The following SYT2 variants were observed in gnomAD, a reference collection of about 807,000 sequenced individuals.
The protein encoded by SYT2 is synaptotagmin 2.
A neutral mutation model predicts 39.9 loss-of-function variants in SYT2; 15 were observed. The observed-to-expected ratio is 0.38, with a 90% CI of 0.25 to 0.58. The LOEUF is 0.58. Ranked by LOEUF, SYT2 falls within the 20% of genes least tolerant of loss-of-function variation. The pLI, the probability that SYT2 is intolerant of heterozygous loss-of-function variation, is 0.70. For synonymous variants in SYT2, 181 were observed against 204.5 expected (o/e 0.89, Z 0.98); for missense variants, 389 against 530.3 (o/e 0.73, Z 2.62).
chr1:202,688,361 T>C (rs1653725676), intron 1 of SYT2, among the ~76,000 whole-genome samples: 1 of 152,228 alleles, frequency 6.6e-6, no homozygotes, highest in South Asian at 2.1e-4. Context: ...CGTTATGCTC[T>C]GTCCTGCCCC....
rs1254165344 is a variant in SYT2 at position 202,671,045 on chromosome 1, GC to G, written c.-18+39212del. Among the ~76,000 whole-genome samples the G allele has an allele frequency of 4.6e-5, 7 of 152,168 alleles. 1 individual carries two copies. In the East Asian group the frequency reaches 1.3e-3, roughly 29 times the overall value. ...AAGAACCAATCCTTTGTGATAAGCA[GC>G]CCGCCACTCCCATCGGCGATCAGCT... On this transcript the variant is annotated intron_variant, in intron 1 of 8. Coordinates refer to ENST00000367268, the MANE Select transcript of SYT2 (RefSeq NM_177402.5).
At chr1:202,615,070 A>G (rs1354552701) in intron 1 of SYT2, among the ~76,000 whole-genome samples, 2 of 152,196 alleles carry the variant, frequency 1.3e-5, no homozygotes, top group Non-Finnish European at 2.9e-5. Flanking sequence ...GAAAACAGCC[A>G]ATAACAAATG....
intron 1 of SYT2, among the ~76,000 whole-genome samples, chr1:202,668,221 C>T (rs781640456): frequency 4.6e-5 from 7 of 152,166 alleles, no homozygotes; most frequent in Non-Finnish European, 7.3e-5. Flanking sequence ...ACACATCTCT[C>T]GTGCGCTCAT....
rs1690072915 is a variant in SYT2 at position 202,590,658 on chromosome 1, G to A, written c.*6099C>T. 1 of 150,310 alleles carries A rather than the reference G, an allele frequency of 6.7e-6. No homozygotes were observed. Among genetic ancestry groups the A allele is most frequent in the Non-Finnish European group, 1.5e-5 (1 of 67,814 alleles). The allele number at this position is 150,310 out of a possible 1,614,324, so 9.3% of individuals were successfully genotyped here. ...TCATTACAAAATAACAATTTGACAAGAGATCAGACAAGAACAAGAGTCCAC... is the reference window on the plus strand; with the variant it reads ...TCATTACAAAATAACAATTTGACAAAAGATCAGACAAGAACAAGAGTCCAC... On this transcript the variant is annotated 3_prime_UTR_variant, in exon 9 of 9. Transcript: ENST00000367268.
rs773123862 is a variant in SYT2, at chr1:202,678,273, C to CAAAAA, written c.-18+31980_-18+31984dup. 7.8e-4 allele frequency among the ~76,000 whole-genome samples: 24 copies of CAAAAA among 30,718 alleles called. 1 individual carries two copies. Among genetic ancestry groups the CAAAAA allele is most frequent in the African/African-American group, 2.5e-3 (20 of 7,978 alleles). 20.2% of individuals were successfully genotyped at this position (30,718 alleles called of 152,430 possible). ...TGAGTGACAGAGCGAGACTCTGTCT[C>CAAAAA]AAAAAAAAAAAAAAAAAAAAAAAAA... On this transcript the variant is annotated intron_variant, in intron 1 of 8. Transcript: ENST00000367268.
intron 1 of SYT2, among the ~76,000 whole-genome samples, chr1:202,637,368 A>G (rs1414395943): frequency 6.6e-6 from 1 of 151,850 alleles, no homozygotes; most frequent in Non-Finnish European, 1.5e-5. Context: ...CCTGAAAACC[A>G]AAACCGAAAA....
intron 3 of SYT2, among the ~76,000 whole-genome samples, chr1:202,603,854 C>G (rs568432062): frequency 6.6e-6 from 1 of 152,296 alleles, no homozygotes; most frequent in South Asian, 2.1e-4. Flanking sequence ...ATATGGATTC[C>G]TTGAGCAAGA....
intron 1 of SYT2, 27 bp from the exon 2 acceptor site, chr1:202,605,816 G>A: frequency 6.3e-7 from 1 of 1,587,466 alleles, no homozygotes; most frequent in Non-Finnish European, 8.6e-7. Context: ...AAGAGGGCAG[G>A]GTGAGCATCC....
rs755228015 is a variant in SYT2 at position 202,594,309 on chromosome 1, T to G, written c.*2448A>C. 2.6e-5 allele frequency: 4 copies of G among 152,216 alleles called. No individual in the cohort carries two copies. The highest frequency in any genetic ancestry group is 5.9e-5 in the Non-Finnish European group (4 of 68,060). 9.4% of individuals were successfully genotyped at this position (152,216 alleles called of 1,614,324 possible). Reference sequence around the variant, plus strand: ...GGTTCCTACCATTGCCTTTCCTCCCTGTCAAGGGAATGCAAATCTTGGGCT... The same window carrying G: ...GGTTCCTACCATTGCCTTTCCTCCCGGTCAAGGGAATGCAAATCTTGGGCT... On this transcript the variant is annotated 3_prime_UTR_variant, in exon 9 of 9. Coordinates refer to ENST00000367268, the MANE Select transcript of SYT2 (RefSeq NM_177402.5).
rs1690235637 is a variant in SYT2, at chr1:202,594,992, G to A, written c.*1765C>T. 6.6e-6 allele frequency: 1 copy of A among 152,300 alleles called. No individual in the cohort carries two copies. Among genetic ancestry groups the A allele is most frequent in the Non-Finnish European group, 1.5e-5 (1 of 68,090 alleles). 9.4% of individuals were successfully genotyped at this position (152,300 alleles called of 1,614,324 possible). Reference sequence around the variant, plus strand: ...TCTTGGGTGTCTACAGGAAGCTGAAGTGGCCCAGATGGGGCAGGATAGAGA... The same window carrying A: ...TCTTGGGTGTCTACAGGAAGCTGAAATGGCCCAGATGGGGCAGGATAGAGA... On this transcript the variant is annotated 3_prime_UTR_variant, in exon 9 of 9. Transcript: ENST00000367268.
intron 1 of SYT2, among the ~76,000 whole-genome samples, chr1:202,634,657 A>C (rs1329342702): frequency 2.0e-5 from 3 of 152,206 alleles, no homozygotes; most frequent in African/African-American, 7.2e-5. Context: ...GAATGGAGAA[A>C]TAAAACGCAG....
In SYT2 at chr1:202,614,317, G is replaced by T. The variant is rs1690967129; in HGVS notation, c.-17-8528C>A. On this transcript the variant is annotated intron_variant, in intron 1 of 8. Coordinates refer to ENST00000367268, the MANE Select transcript of SYT2 (RefSeq NM_177402.5). This position sits in a 1 kb window ranked among gnomAD's most constrained non-coding sequence, Gnocchi z 4.0. ...TACCCAGCAGGAACCACTGAAGGGT[G>T]CTGAGCAGTTATAAGTGGGGTTTGT... 6.6e-6 allele frequency among the ~76,000 whole-genome samples: 1 copy of T among 152,218 alleles called. No individual in the cohort carries two copies. The highest frequency in any genetic ancestry group is 6.5e-5 in the Admixed American group (1 of 15,274).
At chr1:202,639,053 T>C (rs1691827650) in intron 1 of SYT2, among the ~76,000 whole-genome samples, 2 of 152,360 alleles carry the variant, frequency 1.3e-5, no homozygotes, top group Admixed American at 1.3e-4. Flanking sequence ...TGGGATTATT[T>C]TTTTCACGTT....
chr1:202,649,089 G>A (rs749891551), intron 1 of SYT2, among the ~76,000 whole-genome samples: 5 of 152,268 alleles, frequency 3.3e-5, no homozygotes, highest in Non-Finnish European at 7.3e-5. Flanking sequence ...AGCAGCTAAG[G>A]CTGCAGAAGA....
chr1:202,624,837 GGTGT>G (rs145023801), intron 1 of SYT2, among the ~76,000 whole-genome samples: 25 of 128,392 alleles, frequency 1.9e-4, no homozygotes, highest in Non-Finnish European at 1.7e-5. Flanking sequence ...TCTGTAGTAG[GGTGT>G]GTGTGGTGTG....
chr1:202,684,719 G>C (rs760055639), intron 1 of SYT2, among the ~76,000 whole-genome samples: 8 of 152,098 alleles, frequency 5.3e-5, no homozygotes, highest in Admixed American at 1.3e-4. Context: ...GGTTTCAGTT[G>C]GTTAGTGAGT....
At chr1:202,667,284 T>G (rs1692497298) in intron 1 of SYT2, among the ~76,000 whole-genome samples, 1 of 152,166 alleles carries the variant, frequency 6.6e-6, no homozygotes, top group Non-Finnish European at 1.5e-5. Context: ...GAAACACAAC[T>G]ACTGCCAGAG....
At chr1:202,690,164 A>G (rs181287219) in intron 1 of SYT2, among the ~76,000 whole-genome samples, 1 of 151,932 alleles carries the variant, frequency 6.6e-6, no homozygotes, top group Non-Finnish European at 1.5e-5. Context: ...CACCCCACCC[A>G]CCCACGGTCC....
chr1:202,676,878 C>T (rs1653389570), intron 1 of SYT2, among the ~76,000 whole-genome samples: 1 of 152,174 alleles, frequency 6.6e-6, no homozygotes, highest in Non-Finnish European at 1.5e-5. Flanking sequence ...ATTGTAATCC[C>T]CACATGTTGA....
Sources: gnomAD v4.1 joint callset for allele counts (sites outside exome capture counted in the v4.1 genomes callset) on GRCh38, gnomAD v4.1.1 for gene constraint, Gnocchi (gnomAD v3.1) non-coding constraint, MANE v1.5 for transcripts, NCBI Gene and HGNC (gene_info 2026-07-23, HGNC 2026-07-21) for gene names.